SV2C: variants seen among roughly 807,000 people sequenced by gnomAD.
SV2C encodes solute carrier family 22 member B3.
Under a neutral mutation model 79.7 loss-of-function variants are expected in SV2C, and 49 were observed. The observed-to-expected ratio is 0.61, with a 90% CI of 0.49 to 0.78. The LOEUF (loss-of-function observed/expected upper bound fraction) is 0.78. Among genes scored for constraint, SV2C ranks in the 30% least tolerant of loss-of-function variants. The probability of loss-of-function intolerance (pLI) is 0.00; values close to 1 mark genes in which losing one functional copy is unlikely to be tolerated. For synonymous variants in SV2C, 334 were observed against 333.2 expected, an observed-to-expected ratio of 1.00 and a Z score of -0.03; for missense variants, 833 against 912.9, an observed-to-expected ratio of 0.91 and a Z score of 1.13.
chr5:76,239,844 T>C (rs1395457920), intron 4 of SV2C, among the ~76,000 whole-genome samples: 1 of 152,228 alleles, frequency 6.6e-6, no homozygotes, highest in African/African-American at 2.4e-5. Flanking sequence ...TTCATTAATG[T>C]ATGAATCCCA....
intron 8 of SV2C, among the ~76,000 whole-genome samples, chr5:76,293,030 A>G (rs1253890697): frequency 1.3e-5 from 2 of 152,186 alleles, no homozygotes; most frequent in Non-Finnish European, 2.9e-5. Flanking sequence ...TTAGTGCCTG[A>G]GGAGGTGGAA....
chr5:76,193,080 T>C (rs1274645557), intron 2 of SV2C, among the ~76,000 whole-genome samples: 2 of 152,198 alleles, frequency 1.3e-5, no homozygotes, highest in African/African-American at 2.4e-5. Flanking sequence ...CATTTAGTTT[T>C]GTATCTGTTT....
chr5:75,888,078 C>T, the SV2C span, among the ~76,000 whole-genome samples: 2 of 151,930 alleles, frequency 1.3e-5, no homozygotes, highest in African/African-American at 2.4e-5. Context: ...CTATCATTAT[C>T]GAAAATAGGA....
the SV2C span, among the ~76,000 whole-genome samples, chr5:76,066,815 AAG>A: frequency 1.1e-4 from 16 of 142,116 alleles, 1 homozygote; most frequent in South Asian, 3.8e-3. Context: ...AAAAAAAAAA[AAG>A]CATGGTAGAG....
the SV2C span, among the ~76,000 whole-genome samples, chr5:76,013,708 A>C: frequency 6.6e-6 from 1 of 152,168 alleles, no homozygotes; most frequent in Non-Finnish European, 1.5e-5. Flanking sequence ...TGTATATTCA[A>C]GTATGTAAAT....
At chr5:76,046,401 G>A in the SV2C span, among the ~76,000 whole-genome samples, 6 of 152,182 alleles carry the variant, frequency 3.9e-5, no homozygotes, top group Non-Finnish European at 8.8e-5. Flanking sequence ...CATGGAAGAG[G>A]TGACATCCAA....
At chr5:75,916,407 C>T in the SV2C span, among the ~76,000 whole-genome samples, 9 of 145,890 alleles carry the variant, frequency 6.2e-5, no homozygotes, top group Admixed American at 2.7e-4. Context: ...CTTCCTCCTC[C>T]TCCTCCTCCA....
the SV2C span, among the ~76,000 whole-genome samples, chr5:75,957,601 CT>C: frequency 6.6e-6 from 1 of 152,058 alleles, no homozygotes; most frequent in African/African-American, 2.4e-5. Flanking sequence ...TAAATCCAAA[CT>C]TTCTTTGATC....
chr5:76,033,373 G>A, the SV2C span, among the ~76,000 whole-genome samples: 3 of 152,116 alleles, frequency 2.0e-5, no homozygotes, highest in Admixed American at 6.5e-5. Flanking sequence ...GGGTTTCTAT[G>A]GTATTAGGTC....
At chr5:76,050,320 A>G in the SV2C span, among the ~76,000 whole-genome samples, 1 of 152,174 alleles carries the variant, frequency 6.6e-6, no homozygotes, top group Admixed American at 6.5e-5. Context: ...CATGTCAGGG[A>G]GGTTAAAGAG....
chr5:75,928,138 T>C, the SV2C span, among the ~76,000 whole-genome samples: 1 of 152,226 alleles, frequency 6.6e-6, no homozygotes, highest in South Asian at 2.1e-4. Flanking sequence ...AAGTGTATAA[T>C]TCAGTGGCAT....
intron 4 of SV2C, among the ~76,000 whole-genome samples, chr5:76,223,823 T>C (rs1282243389): frequency 2.6e-5 from 4 of 152,136 alleles, no homozygotes; most frequent in Non-Finnish European, 4.4e-5. Flanking sequence ...CAGAAATTTA[T>C]TTCTCACAGT....
chr5:75,945,598 C>G, the SV2C span, among the ~76,000 whole-genome samples: 4 of 152,024 alleles, frequency 2.6e-5, no homozygotes, highest in African/African-American at 9.7e-5. Context: ...GGATTACAGA[C>G]ATGAACCACC....
chr5:76,265,017 G>A (rs1263354198), intron 4 of SV2C, among the ~76,000 whole-genome samples: 1 of 152,222 alleles, frequency 6.6e-6, no homozygotes, highest in Non-Finnish European at 1.5e-5. Context: ...GAGCAGGAAG[G>A]CAGGAACATT....
the SV2C span, among the ~76,000 whole-genome samples, chr5:75,928,419 T>C: frequency 6.6e-6 from 1 of 152,222 alleles, no homozygotes; most frequent in African/African-American, 2.4e-5. Flanking sequence ...TGCTGCTGCA[T>C]GTATTTACTT....
At chr5:76,235,646 A>G (rs1200198304) in intron 4 of SV2C, among the ~76,000 whole-genome samples, 1 of 152,084 alleles carries the variant, frequency 6.6e-6, no homozygotes, top group Non-Finnish European at 1.5e-5. Flanking sequence ...ATCCCAGGCT[A>G]TCGATTTCAC....
Position 76,204,853 on chromosome 5 carries a change from C to T in SV2C, c.762-4883C>T, listed in dbSNP as rs779017268. Among the ~76,000 whole-genome samples the T allele has an allele frequency of 5.3e-5, 8 of 152,152 alleles. No homozygotes were observed. The East Asian group carries it at 5.8e-4, about 11-fold the overall frequency. On this transcript the variant is annotated intron_variant, in intron 3 of 12. Coordinates refer to ENST00000502798, the MANE Select transcript of SV2C (RefSeq NM_014979.4). The stretch of plus-strand genomic sequence containing the variant: ...GGTTGCCAGCTGAACTGGAGTAAGA[C>T]GAGGCGTGGCTGTGAAATTCACAGT...
exon 13 of SV2C, chr5:76,353,276 G>T: frequency 3.6e-6 from 1 of 281,512 alleles, no homozygotes; most frequent in East Asian, 1.1e-4. Flanking sequence ...AAAATTACTT[G>T]AAATTTTCCA....
At chr5:76,042,611 T>C in the SV2C span, among the ~76,000 whole-genome samples, 1 of 152,224 alleles carries the variant, frequency 6.6e-6, no homozygotes, top group Admixed American at 6.5e-5. Context: ...ATGACTTTCT[T>C]GTTTCTGCCA....
Sources: gnomAD v4.1 joint callset for allele counts (sites outside exome capture counted in the v4.1 genomes callset) on GRCh38, gnomAD v4.1.1 for gene constraint, MANE v1.5 for transcripts, NCBI Gene and HGNC (gene_info 2026-07-23, HGNC 2026-07-21) for gene names.